Variants in LTBP2 observed in about 807,000 individuals in gnomAD.
LTBP2 encodes the protein latent transforming growth factor beta binding protein 2.
Under a neutral mutation model 210.6 loss-of-function variants are expected in LTBP2, and 103 were observed. The observed-to-expected ratio is 0.49, with a 90% CI of 0.42 to 0.58. The LOEUF (loss-of-function observed/expected upper bound fraction) is 0.58. Ranked by LOEUF, LTBP2 falls within the 20% of genes least tolerant of loss-of-function variation. LTBP2 has a pLI of 0.00. For missense variants in LTBP2, 2,313 were observed against 2,494.5 expected, an observed-to-expected ratio of 0.93 and a Z score of 1.55; for synonymous variants, 1,007 against 1,015.0, an observed-to-expected ratio of 0.99 and a Z score of 0.15.
At chr14:74,591,873 G>C (rs144775015) in intron 2 of LTBP2, among the ~76,000 whole-genome samples, 166 of 152,300 alleles carry the variant, frequency 1.1e-3, no homozygotes, top group African/African-American at 3.9e-3. Flanking sequence ...CATCTAAAGA[G>C]TGTCTTTTGA....
chr14:74,604,190 CACACAAAAAA>C (rs1161512280), intron 1 of LTBP2, among the ~76,000 whole-genome samples: 2 of 128,148 alleles, frequency 1.6e-5, no homozygotes, highest in African/African-American at 3.7e-5. Context: ...AAAAACCACA[CACACAAAAAA>C]ACACCATGGT....
At chr14:74,598,345 T>C (rs1377150609) in intron 2 of LTBP2, among the ~76,000 whole-genome samples, 1 of 152,138 alleles carries the variant, frequency 6.6e-6, no homozygotes, top group African/African-American at 2.4e-5. Flanking sequence ...AGAGAAATGC[T>C]CAGGCCCACT....
intron 30 of LTBP2, 141 bp downstream of exon 30, chr14:74,504,637 G>C: frequency 1.3e-6 from 1 of 783,764 alleles, no homozygotes; most frequent in Non-Finnish European, 2.3e-6. Flanking sequence ...CACTCTGCAG[G>C]GAGTCAGCCC....
chr14:74,607,671 A>T (rs951213045), intron 1 of LTBP2, among the ~76,000 whole-genome samples: 1 of 152,214 alleles, frequency 6.6e-6, no homozygotes, highest in African/African-American at 2.4e-5. Context: ...GGAAAAACAA[A>T]TTGCAGAAGA....
intron 3 of LTBP2, among the ~76,000 whole-genome samples, chr14:74,566,637 C>T (rs11159090): frequency 0.67 from 101,172 of 152,122 alleles, 34,759 homozygotes; most frequent in African/African-American, 0.84. Context: ...GCATGTTCAA[C>T]GGGCCCAGAG....
intron 3 of LTBP2, among the ~76,000 whole-genome samples, chr14:74,566,776 A>C (rs1363767938): frequency 6.6e-6 from 1 of 151,756 alleles, no homozygotes; most frequent in Non-Finnish European, 1.5e-5. Context: ...TCTCAAGATC[A>C]CTCCTGCTGC....
chr14:74,573,645 C>T (rs193083029), intron 3 of LTBP2, among the ~76,000 whole-genome samples: 7 of 152,318 alleles, frequency 4.6e-5, no homozygotes, highest in South Asian at 2.1e-4. Flanking sequence ...AGCTTGCCTA[C>T]GTAACTACCC....
intron 3 of LTBP2, among the ~76,000 whole-genome samples, chr14:74,574,064 C>G (rs2088022625): frequency 6.6e-6 from 1 of 152,142 alleles, no homozygotes; most frequent in Non-Finnish European, 1.5e-5. Flanking sequence ...TTCAATAAGG[C>G]TCCATCAATG....
At chr14:74,602,742 C>G (rs2088465900) in intron 2 of LTBP2, among the ~76,000 whole-genome samples, 1 of 152,228 alleles carries the variant, frequency 6.6e-6, no homozygotes, top group Non-Finnish European at 1.5e-5. Flanking sequence ...TAACTCACTC[C>G]TTGGTTTCCA....
chr14:74,545,009 C>A (rs2087559877), intron 8 of LTBP2, among the ~76,000 whole-genome samples: 1 of 152,190 alleles, frequency 6.6e-6, no homozygotes, highest in South Asian at 2.1e-4. Context: ...ATGTTGCTAA[C>A]CTGCCCCTCT....
At position 74,501,023 on chromosome 14, in the gene LTBP2, T is replaced by TTCAC; in HGVS notation, c.5323_5326dup (p.Asn1776SerfsTer3). The TTCAC allele has an allele frequency of 6.2e-7, 1 of 1,613,590 alleles. No homozygotes were observed. Among genetic ancestry groups the TTCAC allele is most frequent in the Non-Finnish European group, 8.5e-7 (1 of 1,179,786 alleles). ...AGGCCCGTTCAAGTCATCACACTCA[T>TTCAC]TCACATCTAAGAGGAAACAAAGGAG... is the stretch of plus-strand genomic sequence containing the variant. On this transcript the variant is annotated frameshift_variant, in exon 36 of 36. Transcript: ENST00000261978. LOFTEE classifies it high-confidence loss of function.
chr14:74,539,847 C>T (rs1177815292), intron 8 of LTBP2, among the ~76,000 whole-genome samples: 3 of 152,106 alleles, frequency 2.0e-5, no homozygotes, highest in South Asian at 2.1e-4. Context: ...TGTGAGAACC[C>T]GAGGAATGAG....
intron 8 of LTBP2, among the ~76,000 whole-genome samples, chr14:74,536,972 A>T (rs2087429262): frequency 6.6e-6 from 1 of 152,214 alleles, no homozygotes; most frequent in Non-Finnish European, 1.5e-5. Context: ...TATAGTATCT[A>T]CTACACTACA....
At position 74,512,354 on chromosome 14, in the gene LTBP2, A is replaced by G. The variant is rs1056127525; in HGVS notation, c.2909-990T>C. Among the ~76,000 whole-genome samples, 7 of 152,336 alleles carry G rather than the reference A, an allele frequency of 4.6e-5. No homozygotes were observed. The East Asian group carries it at 7.7e-4, about 17-fold the overall frequency. ...CTAAATGGGTAATTGTCATTCTTCTAGAGGAAGTCCACCAGCTTATGCATA... is the reference window on the plus strand; with the variant it reads ...CTAAATGGGTAATTGTCATTCTTCTGGAGGAAGTCCACCAGCTTATGCATA... On this transcript the variant is annotated intron_variant, in intron 18 of 35. Transcript: ENST00000261978.
chr14:74,564,098 TTTA>T (rs2087840349), intron 3 of LTBP2, among the ~76,000 whole-genome samples: 2 of 36,600 alleles, frequency 5.5e-5, no homozygotes, highest in South Asian at 7.1e-4. Context: ...TATATATATA[TTTA>T]TATATATATT....
intron 2 of LTBP2, among the ~76,000 whole-genome samples, chr14:74,593,643 C>T (rs2088313918): frequency 6.6e-6 from 1 of 152,116 alleles, no homozygotes; most frequent in South Asian, 2.1e-4. Flanking sequence ...ATTTAAAATT[C>T]AGTTCCTTCA....
At chr14:74,552,027 G>A (rs996912923) in intron 6 of LTBP2, among the ~76,000 whole-genome samples, 160 bp downstream of exon 6, 1 of 151,554 alleles carries the variant, frequency 6.6e-6, no homozygotes, top group Admixed American at 6.6e-5. Context: ...GAAGTTGAGG[G>A]AATGAAACTT....
intron 8 of LTBP2, among the ~76,000 whole-genome samples, chr14:74,536,802 C>T (rs1220656520): frequency 2.0e-5 from 3 of 152,278 alleles, no homozygotes; most frequent in East Asian, 3.9e-4. Context: ...GCTGAGGTTG[C>T]GCCACTGCAC....
chr14:74,525,415 A>G (rs1257326648), intron 14 of LTBP2, among the ~76,000 whole-genome samples, 190 bp from the exon 15 acceptor site: 1 of 152,190 alleles, frequency 6.6e-6, no homozygotes, highest in Non-Finnish European at 1.5e-5. Context: ...CAGGCGTTGG[A>G]GCACATCCAG....
Sources: allele counts gnomAD v4.1 joint callset (sites outside exome capture counted in the v4.1 genomes callset), GRCh38; gene constraint gnomAD v4.1.1; transcripts MANE v1.5; gene names NCBI Gene and HGNC (gene_info 2026-07-23, HGNC 2026-07-21).